The following OPCML variants were observed in gnomAD, a reference collection of about 807,000 sequenced individuals.
OPCML encodes the protein opioid-binding protein/cell adhesion molecule.
Under a neutral mutation model 37.8 loss-of-function variants are expected in OPCML, and 13 were observed. The observed-to-expected ratio is 0.34, with a 90% CI of 0.22 to 0.55. OPCML has a LOEUF of 0.55. Among genes scored for constraint, OPCML ranks in the 20% least tolerant of loss-of-function variants. OPCML has a pLI of 0.91. For missense variants in OPCML, 341 were observed against 435.6 expected, an observed-to-expected ratio of 0.78 and a Z score of 1.93; for synonymous variants, 176 against 168.8, an observed-to-expected ratio of 1.04 and a Z score of -0.33.
At chr11:133,360,000 A>G (rs1944378621) in intron 1 of OPCML, 1 of 152,228 alleles carries the variant, frequency 6.6e-6, no homozygotes, top group African/African-American at 2.4e-5. Flanking sequence ...AAATGTGAAG[A>G]TAAACACAAT....
chr11:133,057,860 G>A lies in OPCML; in HGVS notation c.62-114850C>T, dbSNP rs559797120. Among the ~76,000 whole-genome samples, 3 of 152,354 alleles carry A rather than the reference G, an allele frequency of 2.0e-5. No individual in the cohort carries two copies. In the South Asian group the frequency reaches 6.2e-4, roughly 32 times the overall value. On this transcript the variant is annotated intron_variant, in intron 1 of 7. Transcript: ENST00000524381. ...AAATGTGTGAACTCCTGCAGTGCCA[G>A]AGACAAAGTTCCAGGTGTTTGCAAT...
intron 4 of OPCML, among the ~76,000 whole-genome samples, chr11:132,469,767 TGTATGTGTGGAGGG>T (rs1177438655): frequency 5.0e-4 from 24 of 48,172 alleles, no homozygotes; most frequent in East Asian, 0.012. Flanking sequence ...TGAGTGTGTG[TGTATGTGTGGAGGG>T]GTGTGTGTGT....
intron 2 of OPCML, among the ~76,000 whole-genome samples, chr11:132,705,254 TC>T (rs1374295095): frequency 6.6e-6 from 1 of 151,982 alleles, no homozygotes. Context: ...TTGGTGCTGT[TC>T]TTGTGATGGT....
intron 3 of OPCML, among the ~76,000 whole-genome samples, chr11:132,615,901 G>T (rs1020012129): frequency 2.0e-5 from 3 of 152,214 alleles, no homozygotes; most frequent in Non-Finnish European, 4.4e-5. Context: ...GGGAAAAAAA[G>T]GCAGATTGGC....
chr11:132,891,941 C>A (rs1762094360), intron 2 of OPCML, among the ~76,000 whole-genome samples: 1 of 146,764 alleles, frequency 6.8e-6, no homozygotes, highest in African/African-American at 2.6e-5. Flanking sequence ...TCTGAGGGTT[C>A]CCCTATACCT....
intron 7 of OPCML, among the ~76,000 whole-genome samples, chr11:132,427,314 A>C (rs2095980844): frequency 6.6e-6 from 1 of 152,224 alleles, no homozygotes; most frequent in Non-Finnish European, 1.5e-5. Flanking sequence ...AACCAAGAGG[A>C]TAATGATGTT....
chr11:132,959,544 G>A (rs1377762706), intron 1 of OPCML, among the ~76,000 whole-genome samples: 2 of 152,206 alleles, frequency 1.3e-5, no homozygotes, highest in African/African-American at 4.8e-5. Context: ...TTCGGGAAGG[G>A]AAGAGTGGGG....
chr11:133,383,595 G>A (rs1260117385), intron 1 of OPCML, among the ~76,000 whole-genome samples: 1 of 152,114 alleles, frequency 6.6e-6, no homozygotes, highest in Non-Finnish European at 1.5e-5. Flanking sequence ...TTTGCTCACA[G>A]AACATATCCA....
At chr11:133,161,262 A>C (rs1950137746) in intron 1 of OPCML, among the ~76,000 whole-genome samples, 1 of 152,216 alleles carries the variant, frequency 6.6e-6, no homozygotes, top group South Asian at 2.1e-4. Flanking sequence ...ATGTTGTAAA[A>C]CAAAAGTTCA....
intron 3 of OPCML, among the ~76,000 whole-genome samples, chr11:132,531,604 G>A (rs1158590801): frequency 6.6e-6 from 1 of 152,096 alleles, no homozygotes; most frequent in Admixed American, 6.6e-5. Flanking sequence ...AATAAAAATT[G>A]CCTAGCTTAT....
chr11:132,716,400 ATCTATCTG>A (rs1211376960), intron 2 of OPCML, among the ~76,000 whole-genome samples: 21 of 45,936 alleles, frequency 4.6e-4, no homozygotes, highest in African/African-American at 2.8e-3. Context: ...TTATCTATCT[ATCTATCTG>A]TCTGTCTATC....
intron 3 of OPCML, among the ~76,000 whole-genome samples, chr11:132,627,695 G>A (rs1220565062): frequency 6.6e-6 from 1 of 152,220 alleles, no homozygotes; most frequent in African/African-American, 2.4e-5. Context: ...TCTGTGGAGA[G>A]AACAGCATGC....
At chr11:132,640,573 G>T (rs879609131) in intron 3 of OPCML, among the ~76,000 whole-genome samples, 1 of 152,182 alleles carries the variant, frequency 6.6e-6, no homozygotes, top group Non-Finnish European at 1.5e-5. Context: ...CATTCAATAA[G>T]CATTTTTGAG....
chr11:132,698,854 T>C (rs1943701004), intron 2 of OPCML, among the ~76,000 whole-genome samples: 1 of 152,132 alleles, frequency 6.6e-6, no homozygotes, highest in Non-Finnish European at 1.5e-5. Flanking sequence ...GAATATCCAA[T>C]TTTTTCAATA....
rs1939185069 is a variant in OPCML at position 133,208,086 on chromosome 11, T to C, written c.62-265076A>G. Among the ~76,000 whole-genome samples the C allele has an allele frequency of 6.6e-6, 1 of 152,200 alleles. No individual in the cohort carries two copies. Among genetic ancestry groups the C allele is most frequent in the African/African-American group, 2.4e-5 (1 of 41,452 alleles). ...TCTGAGCTCCCATAGCATTATTTTT[T>C]TCTCTCTTCAGAGCATCTACCATGA... On this transcript the variant is annotated intron_variant, in intron 1 of 7. Transcript: ENST00000524381. This position sits in a 1 kb window ranked among gnomAD's most constrained non-coding sequence, Gnocchi z 8.9.
At chr11:132,671,213 C>T (rs1278789369) in intron 2 of OPCML, among the ~76,000 whole-genome samples, 1 of 152,144 alleles carries the variant, frequency 6.6e-6, no homozygotes, top group Non-Finnish European at 1.5e-5. Context: ...TGTAGAATGT[C>T]AACTCTGCCT....
chr11:132,614,200 G>T (rs1938843676), intron 3 of OPCML, among the ~76,000 whole-genome samples: 1 of 152,126 alleles, frequency 6.6e-6, no homozygotes, highest in South Asian at 2.1e-4. Flanking sequence ...GACATGCCCT[G>T]TGCTTTGGTA....
Position 133,034,687 on chromosome 11 carries a change from C to T in OPCML, c.62-91677G>A, listed in dbSNP as rs565358896. Among the ~76,000 whole-genome samples, 25 of 151,718 alleles carry T rather than the reference C, an allele frequency of 1.6e-4. 1 individual carries two copies. The highest frequency in any genetic ancestry group is 2.8e-4 in the Non-Finnish European group (19 of 67,998). ...TCCAAGGAGATCTATGATGCTTAGA[C>T]GCAAGGAACATTTAGAAGTGTGACT... On this transcript the variant is annotated intron_variant, in intron 1 of 7. Coordinates refer to ENST00000524381, the MANE Select transcript of OPCML (RefSeq NM_001012393.5).
intron 1 of OPCML, among the ~76,000 whole-genome samples, chr11:133,087,238 T>A (rs1948830812): frequency 6.6e-6 from 1 of 152,222 alleles, no homozygotes. Context: ...TTGATTTTTT[T>A]AAATAGCAGT....
Sources: allele counts gnomAD v4.1 joint callset (sites outside exome capture counted in the v4.1 genomes callset), GRCh38; gene constraint gnomAD v4.1.1; non-coding constraint Gnocchi (gnomAD v3.1); transcripts MANE v1.5; gene names NCBI Gene and HGNC (gene_info 2026-07-23, HGNC 2026-07-21).